SLC2A7: variants seen among roughly 807,000 people sequenced by gnomAD.
The protein encoded by SLC2A7 is solute carrier family 2, facilitated glucose transporter member 7.
A neutral mutation model predicts 50.5 loss-of-function variants in SLC2A7; 50 were observed. The ratio of observed to expected loss-of-function variants is 0.99; its 90% CI spans 0.79 to 1.25. SLC2A7 has a LOEUF of 1.25. Ranked by LOEUF, SLC2A7 falls within the 50% of genes most tolerant of loss-of-function variation. The pLI, the probability that SLC2A7 is intolerant of heterozygous loss-of-function variation, is 0.00. For synonymous variants in SLC2A7, 308 were observed against 300.4 expected (o/e 1.03, Z -0.26); for missense variants, 683 against 679.1 (o/e 1.01, Z -0.06).
chr1:9,018,216 C>G lies in SLC2A7; in HGVS notation c.589+7G>C. 1 of 1,614,008 alleles carries G rather than the reference C, an allele frequency of 6.2e-7. No homozygotes were observed. The highest frequency in any genetic ancestry group is 8.5e-7 in the Non-Finnish European group (1 of 1,179,978). On this transcript the variant is annotated splice_region_variant and intron_variant, in intron 5 of 11. Coordinates refer to ENST00000400906, the MANE Select transcript of SLC2A7 (RefSeq NM_207420.3). ...GACCTAGCGTGACCTCTGCGGCTGC[C>G]GGTTACCTGCCGGGTTGCCCAAGAT...
At chr1:9,009,226 T>G (rs1640705105) in intron 9 of SLC2A7, among the ~76,000 whole-genome samples, 1 of 152,222 alleles carries the variant, frequency 6.6e-6, no homozygotes, top group African/African-American at 2.4e-5. Context: ...TTGAAAGGGC[T>G]CAGGACAGTG....
chr1:8,994,366 G>A, the SLC2A7 span, among the ~76,000 whole-genome samples: 1 of 152,200 alleles, frequency 6.6e-6, no homozygotes, highest in East Asian at 1.9e-4. Context: ...GACCTGCCCA[G>A]TCTTCATTTC....
At chr1:9,005,688 C>T (rs111504373) in intron 10 of SLC2A7, among the ~76,000 whole-genome samples, 3 of 151,394 alleles carry the variant, frequency 2.0e-5, no homozygotes, top group African/African-American at 7.3e-5. Context: ...TGCCTGTAGT[C>T]CCAGCTACTC....
At chr1:9,009,626 T>C (rs1364289799) in intron 9 of SLC2A7, among the ~76,000 whole-genome samples, 1 of 151,850 alleles carries the variant, frequency 6.6e-6, no homozygotes. Flanking sequence ...CCAGAAAACG[T>C]TTTGTATTTT....
chr1:9,008,183 T>C lies in SLC2A7; in HGVS notation c.1117-798A>G, dbSNP rs1200107467. ...GCCAAACTAACCGGGTGCCCCCAGA[T>C]GAACTTCCCAGGGAACCCTGTAGTC... On this transcript the variant is annotated intron_variant, in intron 9 of 11. Coordinates refer to ENST00000400906, the MANE Select transcript of SLC2A7 (RefSeq NM_207420.3). This position sits in a 1 kb window ranked among gnomAD's most constrained non-coding sequence, Gnocchi z 5.9. Among the ~76,000 whole-genome samples the C allele has an allele frequency of 6.6e-6, 1 of 152,046 alleles. No individual in the cohort carries two copies.
At chr1:9,018,190 G>C in intron 5 of SLC2A7, 33 bp downstream of exon 5, 1 of 1,613,066 alleles carries the variant, frequency 6.2e-7, no homozygotes, top group Non-Finnish European at 8.5e-7. Flanking sequence ...ACGAGAGACT[G>C]GACCTAGCGT....
the SLC2A7 span, among the ~76,000 whole-genome samples, chr1:8,997,446 G>A: frequency 2.8e-4 from 42 of 152,120 alleles, no homozygotes; most frequent in African/African-American, 9.9e-4. Flanking sequence ...TGTTGCCCAG[G>A]CTGGAGTGCA....
downstream of SLC2A7, among the ~76,000 whole-genome samples, chr1:9,001,366 T>A (rs976965958): frequency 6.6e-6 from 1 of 150,970 alleles, no homozygotes; most frequent in Non-Finnish European, 1.5e-5. Context: ...AGTGATAGAA[T>A]CAGCCTAGGA....
the SLC2A7 span, among the ~76,000 whole-genome samples, chr1:8,994,218 C>T: frequency 7.9e-5 from 12 of 152,242 alleles, no homozygotes; most frequent in Non-Finnish European, 1.2e-4. Flanking sequence ...CAGGCCTCAT[C>T]CTGAGCCCAG....
At chr1:9,023,183 C>T (rs1383616226) in intron 2 of SLC2A7, 105 bp from the exon 3 acceptor site, 12 of 1,220,716 alleles carry the variant, frequency 9.8e-6, no homozygotes, top group Middle Eastern at 2.0e-4. Context: ...GGTTTTTCTG[C>T]TAACACCTAT....
the SLC2A7 span, among the ~76,000 whole-genome samples, chr1:8,993,160 G>A: frequency 1.3e-5 from 2 of 152,348 alleles, no homozygotes; most frequent in South Asian, 4.1e-4. Context: ...GATGTCAGCA[G>A]GCAAAGAGAG....
chr1:9,016,551 G>C (rs1031863342), intron 5 of SLC2A7, among the ~76,000 whole-genome samples: 2 of 152,000 alleles, frequency 1.3e-5, no homozygotes, highest in Non-Finnish European at 2.9e-5. Context: ...CAAGGCTGCA[G>C]TGAGCTATGA....
chr1:9,017,103 C>T (rs568214222), intron 5 of SLC2A7, among the ~76,000 whole-genome samples: 6 of 152,244 alleles, frequency 3.9e-5, no homozygotes, highest in South Asian at 2.1e-4. Context: ...GGTGGATCAC[C>T]TGAGGTCAGG....
chr1:9,007,319 T>A lies in SLC2A7; in HGVS notation c.1183A>T (p.Ile395Phe). 6.2e-7 allele frequency: 1 copy of A among 1,614,156 alleles called. No individual in the cohort carries two copies. Among genetic ancestry groups the A allele is most frequent in the Non-Finnish European group, 8.5e-7 (1 of 1,180,010 alleles). Reference sequence around the variant, plus strand: ...GCGTGCAGGTACTCACTGGGCCCAATGGAATGTCCCGCGATGTAGGCAAAG... The same window carrying A: ...GCGTGCAGGTACTCACTGGGCCCAAAGGAATGTCCCGCGATGTAGGCAAAG... ...CVFAYIAGHSIGPSPVPSVVR... is the reference protein window; with the variant it reads ...CVFAYIAGHSFGPSPVPSVVR... Residue 395 changes from isoleucine (I) to phenylalanine (F), a missense_variant, in exon 10 of 12, where the codon ATT (isoleucine) becomes TTT (phenylalanine). Coordinates refer to ENST00000400906, the MANE Select transcript of SLC2A7 (RefSeq NM_207420.3).
chr1:9,013,278 C>T (rs72632907), intron 8 of SLC2A7, among the ~76,000 whole-genome samples: 13,328 of 152,296 alleles, frequency 0.088, 777 homozygotes, highest in Admixed American at 0.15. Flanking sequence ...GATCTGCTCG[C>T]CTTGGCCTTC....
chr1:8,993,763 G>A, the SLC2A7 span, among the ~76,000 whole-genome samples: 3 of 152,136 alleles, frequency 2.0e-5, no homozygotes, highest in Non-Finnish European at 4.4e-5. Context: ...GAGTAGCTGG[G>A]ACTACAGGTG....
In SLC2A7 at chr1:9,019,148, T is replaced by A. The variant is rs577808738; in HGVS notation, c.436+61A>T. ...GGCAGACACCTCATCTGCTCCTGCT[T>A]CCAGCCTTGGCCAAACAGACCCTTC... is the stretch of plus-strand genomic sequence containing the variant. On this transcript the variant is annotated intron_variant, in intron 4 of 11. Transcript: ENST00000400906. 252 of 1,572,658 alleles carry A rather than the reference T, an allele frequency of 1.6e-4. 3 individuals carry two copies. In the South Asian group the frequency reaches 2.4e-3, roughly 15 times the overall value.
At chr1:9,016,032 T>G (rs1640825644) in intron 5 of SLC2A7, among the ~76,000 whole-genome samples, 1 of 152,162 alleles carries the variant, frequency 6.6e-6, no homozygotes, top group South Asian at 2.1e-4. Context: ...TGACAAGTTC[T>G]TTAATGTCTC....
Position 9,008,401 on chromosome 1 carries a change from C to A in SLC2A7, c.1117-1016G>T, listed in dbSNP as rs889081538. 1.3e-5 allele frequency among the ~76,000 whole-genome samples: 2 copies of A among 152,150 alleles called. No homozygotes were observed. Among genetic ancestry groups the A allele is most frequent in the Non-Finnish European group, 2.9e-5 (2 of 68,036 alleles). On this transcript the variant is annotated intron_variant, in intron 9 of 11. Coordinates refer to ENST00000400906, the MANE Select transcript of SLC2A7 (RefSeq NM_207420.3). This position sits in a 1 kb window ranked among gnomAD's most constrained non-coding sequence, Gnocchi z 5.9. ...AGGCTGGCTGGGTTGGTGGGGCCGC[C>A]CTGGACCCGGTGTGAAGCGAGCAGC...
Sources: allele counts gnomAD v4.1 joint callset (sites outside exome capture counted in the v4.1 genomes callset), GRCh38; gene constraint gnomAD v4.1.1; non-coding constraint Gnocchi (gnomAD v3.1); transcripts MANE v1.5; gene names NCBI Gene and HGNC (gene_info 2026-07-23, HGNC 2026-07-21).